The following TRIO variants were observed in gnomAD, a reference collection of about 807,000 sequenced individuals.
TRIO encodes triple functional domain protein.
In TRIO, 58 loss-of-function variants were observed where a neutral mutation model predicts 351.9. That is an observed-to-expected ratio of 0.16 (90% CI 0.13 to 0.21). TRIO has a LOEUF of 0.21. Ranked by LOEUF, TRIO falls within the 10% of genes least tolerant of loss-of-function variation. The pLI is 1.00. For synonymous variants in TRIO, 1,758 were observed against 1,595.7 expected (o/e 1.10, Z -2.42); for missense variants, 3,201 against 4,027.8 (o/e 0.79, Z 5.56).
chr5:14,456,073 C>T (rs1170995077), intron 34 of TRIO, among the ~76,000 whole-genome samples: 1 of 152,236 alleles, frequency 6.6e-6, no homozygotes, highest in Non-Finnish European at 1.5e-5. Context: ...GCTGGCAGTG[C>T]TGGGGGACCC....
At chr5:14,417,921 G>A (rs1579596272) in intron 33 of TRIO, among the ~76,000 whole-genome samples, 5 of 152,350 alleles carry the variant, frequency 3.3e-5, no homozygotes, top group Admixed American at 3.3e-4. Context: ...GCTTCTGTAA[G>A]TCACATGCCT....
At chr5:14,192,724 C>T (rs1790532116) in intron 1 of TRIO, among the ~76,000 whole-genome samples, 1 of 152,216 alleles carries the variant, frequency 6.6e-6, no homozygotes, top group Admixed American at 6.5e-5. Flanking sequence ...TACATTAACT[C>T]ACTGACTTAC....
At chr5:14,326,408 G>T (rs559870371) in intron 9 of TRIO, among the ~76,000 whole-genome samples, 161 of 152,356 alleles carry the variant, frequency 1.1e-3, no homozygotes, top group African/African-American at 3.6e-3. Context: ...GATGGTAGCT[G>T]TTTCAAGTGT....
At chr5:14,384,826 T>A (rs754626270) in intron 21 of TRIO, among the ~76,000 whole-genome samples, 1 of 151,936 alleles carries the variant, frequency 6.6e-6, no homozygotes, top group East Asian at 1.9e-4. Flanking sequence ...ATAAGGAACA[T>A]CTAAAGTTAA....
intron 1 of TRIO, among the ~76,000 whole-genome samples, chr5:14,196,514 A>G (rs560016611): frequency 5.9e-5 from 9 of 151,836 alleles, no homozygotes; most frequent in Non-Finnish European, 1.0e-4. Context: ...TGCACCTGTC[A>G]TTTGAGAGCA....
At chr5:14,428,142 G>A (rs889913808) in intron 34 of TRIO, among the ~76,000 whole-genome samples, 6 of 152,188 alleles carry the variant, frequency 3.9e-5, no homozygotes, top group Non-Finnish European at 8.8e-5. Flanking sequence ...ATATGAGACT[G>A]AAACTGCTTA....
intron 15 of TRIO, 35 bp from the exon 16 acceptor site, chr5:14,366,825 T>A (rs202084100): frequency 3.7e-6 from 6 of 1,613,174 alleles, no homozygotes; most frequent in Non-Finnish European, 5.1e-6. Flanking sequence ...CTCTGGGAAG[T>A]CCACTGCTTG....
intron 1 of TRIO, among the ~76,000 whole-genome samples, chr5:14,192,771 T>G (rs1790534040): frequency 6.6e-6 from 1 of 152,220 alleles, no homozygotes; most frequent in South Asian, 2.1e-4. Context: ...TGTATAGACA[T>G]TACGTAGCCT....
intron 1 of TRIO, among the ~76,000 whole-genome samples, chr5:14,180,497 TAA>T (rs1789704981): frequency 6.6e-6 from 1 of 152,138 alleles, no homozygotes; most frequent in Non-Finnish European, 1.5e-5. Flanking sequence ...TTAACTTAAA[TAA>T]AAAAGGCAGA....
intron 1 of TRIO, among the ~76,000 whole-genome samples, chr5:14,223,046 C>G (rs1368318149): frequency 1.3e-5 from 2 of 152,142 alleles, no homozygotes; most frequent in Non-Finnish European, 2.9e-5. Flanking sequence ...TTTGAGACCT[C>G]CTCCTTCCAT....
intron 1 of TRIO, among the ~76,000 whole-genome samples, chr5:14,209,171 G>T (rs1791725113): frequency 6.6e-6 from 1 of 152,124 alleles, no homozygotes; most frequent in African/African-American, 2.4e-5. Context: ...GAGCCAGTAG[G>T]TCCCATTCTC....
chr5:14,423,411 A>G (rs1170310211), intron 34 of TRIO, among the ~76,000 whole-genome samples: 1 of 152,052 alleles, frequency 6.6e-6, no homozygotes, highest in East Asian at 1.9e-4. Flanking sequence ...TTTCCTTCCC[A>G]TTGTCTCAAC....
chr5:14,335,088 C>G (rs377235940), intron 10 of TRIO, among the ~76,000 whole-genome samples: 1 of 152,266 alleles, frequency 6.6e-6, no homozygotes, highest in East Asian at 1.9e-4. Context: ...TGTATGTATT[C>G]ATGCGAATAG....
intron 15 of TRIO, 140 bp downstream of exon 15, chr5:14,364,956 C>T (rs765352976): frequency 3.1e-5 from 35 of 1,112,410 alleles, no homozygotes; most frequent in Middle Eastern, 6.2e-4. Flanking sequence ...TAAGATAATG[C>T]GCACATACAC....
intron 33 of TRIO, among the ~76,000 whole-genome samples, chr5:14,409,153 C>T (rs1370593557): frequency 2.0e-5 from 3 of 152,100 alleles, no homozygotes; most frequent in African/African-American, 7.2e-5. Context: ...CTCCTCTCAG[C>T]CCCAGCACAG....
chr5:14,370,464 G>A (rs938739268), intron 18 of TRIO, among the ~76,000 whole-genome samples: 11 of 152,046 alleles, frequency 7.2e-5, no homozygotes, highest in African/African-American at 1.9e-4. Context: ...TAAAAGTAGG[G>A]GTGGTGGTCA....
Position 14,363,911 on chromosome 5 carries a change from T to G in TRIO, c.2571T>G (p.Asn857Lys). 1 of 1,614,184 alleles carries G rather than the reference T, an allele frequency of 6.2e-7. No homozygotes were observed. Among genetic ancestry groups the G allele is most frequent in the East Asian group, 2.2e-5 (1 of 44,876 alleles). Reference protein sequence around the residue: ...HQGQDLLQYVNEVQASGVELL... With the variant: ...HQGQDLLQYVKEVQASGVELL... ...GGCAAGATCTTCTGCAGTATGTCAA[T>G]GAGGTCCAGGCCTCTGGTAAGAGGG... Residue 857 changes from asparagine to lysine, a missense_variant, in exon 14 of 57, where the codon AAT (asparagine) becomes AAG (lysine). Physicochemically the swap from Asn to Lys is moderately conservative, Grantham distance 94. This residue lies in a region of TRIO where 363 missense variants were observed against 553.5 expected (regional missense o/e 0.66). Coordinates refer to ENST00000344204, the MANE Select transcript of TRIO (RefSeq NM_007118.4).
intron 34 of TRIO, among the ~76,000 whole-genome samples, chr5:14,426,559 A>G (rs890188590): frequency 6.6e-6 from 1 of 152,212 alleles, no homozygotes; most frequent in Admixed American, 6.5e-5. Flanking sequence ...AGCACCTTAA[A>G]CAGATTGTAA....
intron 11 of TRIO, among the ~76,000 whole-genome samples, chr5:14,346,425 C>A (rs1331659011): frequency 1.3e-5 from 2 of 152,182 alleles, no homozygotes; most frequent in African/African-American, 4.8e-5. Flanking sequence ...CAAATTAGAT[C>A]CCTGGGTACC....
Sources: gnomAD v4.1 joint callset for allele counts (sites outside exome capture counted in the v4.1 genomes callset) on GRCh38, gnomAD v4.1.1 for gene constraint, gnomAD v4.1.1 regional missense constraint, MANE v1.5 for transcripts, NCBI Gene and HGNC (gene_info 2026-07-23, HGNC 2026-07-21) for gene names.